STX8: variants seen among roughly 807,000 people sequenced by gnomAD.
The protein encoded by STX8 is syntaxin 8, also known as syntaxin-8.
A neutral mutation model predicts 37.5 loss-of-function variants in STX8; 23 were observed. The observed-to-expected ratio is 0.61, with a 90% CI of 0.44 to 0.87. The LOEUF (loss-of-function observed/expected upper bound fraction) is 0.87, where lower values mean the gene tolerates loss of function less well. Among genes scored for constraint, STX8 ranks in the 40% least tolerant of loss-of-function variants. The probability of loss-of-function intolerance (pLI) is 0.00; values close to 1 mark genes in which losing one functional copy is unlikely to be tolerated. For synonymous variants in STX8, 115 were observed against 99.1 expected, an observed-to-expected ratio of 1.16 and a Z score of -0.95; for missense variants, 313 against 284.7, an observed-to-expected ratio of 1.10 and a Z score of -0.71.
intron 7 of STX8, among the ~76,000 whole-genome samples, chr17:9,284,430 T>A (rs1017568889): frequency 3.3e-5 from 5 of 152,210 alleles, no homozygotes; most frequent in African/African-American, 1.2e-4. Flanking sequence ...GAAAATAAAA[T>A]ATTTTCTTCT....
chr17:9,288,140 C>CAAAAAAAA (rs60385667), intron 7 of STX8, among the ~76,000 whole-genome samples: 1 of 61,528 alleles, frequency 1.6e-5, no homozygotes, highest in Non-Finnish European at 2.8e-5. Flanking sequence ...AACAAACAAA[C>CAAAAAAAA]AAAAAAAAAA....
intron 7 of STX8, among the ~76,000 whole-genome samples, chr17:9,251,273 C>G (rs1007626022): frequency 4.6e-5 from 7 of 152,236 alleles, no homozygotes; most frequent in African/African-American, 1.7e-4. Context: ...CCTGCCTCCT[C>G]TGGGTCGTGT....
chr17:9,307,950 C>G (rs1209219486), intron 7 of STX8, among the ~76,000 whole-genome samples: 1 of 152,146 alleles, frequency 6.6e-6, no homozygotes, highest in African/African-American at 2.4e-5. Flanking sequence ...AGGGTTTCTG[C>G]CCCATACCTG....
chr17:9,464,570 T>C (rs1008567095), intron 6 of STX8, among the ~76,000 whole-genome samples: 1 of 152,174 alleles, frequency 6.6e-6, no homozygotes, highest in African/African-American at 2.4e-5. Flanking sequence ...CAGGGCTCTA[T>C]GTGCTGAAAA....
At chr17:9,307,399 G>T (rs113925905) in intron 7 of STX8, among the ~76,000 whole-genome samples, 10 of 152,228 alleles carry the variant, frequency 6.6e-5, no homozygotes, top group African/African-American at 1.7e-4. Flanking sequence ...TCCTGACTTC[G>T]GTCTTCCTCT....
At position 9,529,965 on chromosome 17, in the gene STX8, T is replaced by C. The variant is rs79580394; in HGVS notation, c.323+15207A>G. 7.6e-4 allele frequency among the ~76,000 whole-genome samples: 116 copies of C among 152,226 alleles called. 1 individual carries two copies. In the East Asian group the frequency reaches 0.02, roughly 27 times the overall value. Reference sequence around the variant, plus strand: ...AGTGAATAGCCACTCTACTCCAGCCTGGGCAACGTAGCAAGACCCTGTCTC... The same window carrying C: ...AGTGAATAGCCACTCTACTCCAGCCCGGGCAACGTAGCAAGACCCTGTCTC... On this transcript the variant is annotated intron_variant, in intron 4 of 7. Transcript: ENST00000306357.
At chr17:9,404,983 T>TC (rs202165557) in intron 6 of STX8, among the ~76,000 whole-genome samples, 28 of 149,190 alleles carry the variant, frequency 1.9e-4, no homozygotes, top group Non-Finnish European at 3.7e-4. Flanking sequence ...ACATCCCCAA[T>TC]TTTTTTTTTT....
intron 6 of STX8, among the ~76,000 whole-genome samples, chr17:9,456,215 C>T (rs1302851281): frequency 6.6e-6 from 1 of 151,990 alleles, no homozygotes; most frequent in African/African-American, 2.4e-5. Context: ...AACCCATTTG[C>T]TGGTGAAAGG....
intron 6 of STX8, among the ~76,000 whole-genome samples, chr17:9,447,569 C>A (rs9915004): frequency 0.021 from 3,151 of 152,114 alleles, 74 homozygotes; most frequent in African/African-American, 0.059. Flanking sequence ...ATTACAGGCA[C>A]CTGCCACCAT....
intron 7 of STX8, among the ~76,000 whole-genome samples, chr17:9,306,097 C>T (rs990444116): frequency 1.3e-5 from 2 of 151,974 alleles, no homozygotes; most frequent in Admixed American, 6.6e-5. Context: ...ACTATTTATA[C>T]GTCTAGATAC....
At chr17:9,357,050 C>G (rs1197490519) in intron 7 of STX8, among the ~76,000 whole-genome samples, 1 of 146,360 alleles carries the variant, frequency 6.8e-6, no homozygotes, top group Non-Finnish European at 1.5e-5. Flanking sequence ...TCACTGCAAC[C>G]TCCGCCTCCC....
At chr17:9,514,818 C>T (rs9909129) in intron 4 of STX8, among the ~76,000 whole-genome samples, 5,339 of 152,146 alleles carry the variant, frequency 0.035, 357 homozygotes, top group African/African-American at 0.12. Context: ...TATTATTTAA[C>T]CTTTTATATA....
intron 6 of STX8, among the ~76,000 whole-genome samples, chr17:9,458,445 T>G (rs1054735700): frequency 2.6e-5 from 4 of 152,138 alleles, no homozygotes; most frequent in African/African-American, 4.8e-5. Context: ...CACCGTGCCC[T>G]GCCAATATGC....
intron 6 of STX8, among the ~76,000 whole-genome samples, chr17:9,441,962 G>A (rs779691288): frequency 2.6e-5 from 4 of 151,614 alleles, no homozygotes; most frequent in Non-Finnish European, 5.9e-5. Flanking sequence ...TACCGCGCCT[G>A]GCACCATGGC....
At chr17:9,293,496 A>G (rs933402558) in intron 7 of STX8, among the ~76,000 whole-genome samples, 26 of 151,906 alleles carry the variant, frequency 1.7e-4, no homozygotes, top group Non-Finnish European at 2.6e-4. Flanking sequence ...TGAGAACATT[A>G]TAACTTGGGC....
intron 2 of STX8, among the ~76,000 whole-genome samples, chr17:9,560,664 T>G (rs1907196066): frequency 6.6e-6 from 1 of 151,536 alleles, no homozygotes; most frequent in Non-Finnish European, 1.5e-5. Context: ...AATTTAAATC[T>G]ATAAACATAC....
rs1050264316 is a variant in STX8, at chr17:9,341,514, G to A, written c.643+37038C>T. ...TGCAATGGCGTGATCTCGGCTCACT[G>A]CAACCTCTGTCTCCTGGGTTCAAGC... On this transcript the variant is annotated intron_variant, in intron 7 of 7. Coordinates refer to ENST00000306357, the MANE Select transcript of STX8 (RefSeq NM_004853.3). 3.4e-4 allele frequency among the ~76,000 whole-genome samples: 52 copies of A among 152,142 alleles called. 1 individual carries two copies. The highest frequency in any genetic ancestry group is 5.9e-5 in the Non-Finnish European group (4 of 68,034).
intron 7 of STX8, among the ~76,000 whole-genome samples, chr17:9,267,022 A>G (rs1347371231): frequency 6.6e-6 from 1 of 152,190 alleles, no homozygotes; most frequent in African/African-American, 2.4e-5. Flanking sequence ...TCCCTGGCCC[A>G]CTAGCTTCCA....
At chr17:9,383,826 G>A (rs1484593914) in intron 6 of STX8, among the ~76,000 whole-genome samples, 1 of 151,894 alleles carries the variant, frequency 6.6e-6, no homozygotes, top group East Asian at 1.9e-4. Flanking sequence ...GATAAAGAAC[G>A]GAGAAAAAAT....
Sources: allele counts gnomAD v4.1 joint callset (sites outside exome capture counted in the v4.1 genomes callset), GRCh38; gene constraint gnomAD v4.1.1; transcripts MANE v1.5; gene names NCBI Gene and HGNC (gene_info 2026-07-23, HGNC 2026-07-21).